MYO7A: variants seen among roughly 807,000 people sequenced by gnomAD.
MYO7A encodes myosin VIIA.
MYO7A carries 210 observed loss-of-function variants against 263.8 expected under a neutral mutation model. The ratio of observed to expected loss-of-function variants is 0.80; its 90% CI spans 0.71 to 0.89. The LOEUF (loss-of-function observed/expected upper bound fraction) is 0.89, where lower values mean the gene tolerates loss of function less well. Among genes scored for constraint, MYO7A ranks in the 40% least tolerant of loss-of-function variants. The pLI is 0.00. For missense variants in MYO7A, 2,820 were observed against 2,968.3 expected (o/e 0.95, Z 1.16); for synonymous variants, 1,239 against 1,197.3 (o/e 1.03, Z -0.72).
chr11:77,182,909 G>A (rs1343697200), intron 25 of MYO7A, 159 bp from the exon 26 acceptor site: 14 of 745,168 alleles, frequency 1.9e-5, no homozygotes, highest in African/African-American at 1.6e-4. Context: ...GCTAGTGGGG[G>A]TGCAAGGGTA....
intron 4 of MYO7A, 98 bp from the exon 5 acceptor site, chr11:77,155,809 C>A: frequency 7.6e-7 from 1 of 1,315,834 alleles, no homozygotes; most frequent in Non-Finnish European, 1.0e-6. Context: ...CAGGACTCTT[C>A]CCTCCAGGGT....
At position 77,182,421 on chromosome 11, in the gene MYO7A, C is replaced by G. The variant is rs782347739; in HGVS notation, c.3109-3C>G. 2.5e-6 allele frequency: 4 copies of G among 1,601,894 alleles called. No homozygotes were observed. Among genetic ancestry groups the G allele is most frequent in the Non-Finnish European group, 3.4e-6 (4 of 1,178,690 alleles). ...GGCCTCTGACATGCGCGCTCTGCCCCAGGCAGCCCTGGCGGTCTGGATCAC... is the reference window on the plus strand; with the variant it reads ...GGCCTCTGACATGCGCGCTCTGCCCGAGGCAGCCCTGGCGGTCTGGATCAC... On this transcript the variant is annotated splice_region_variant and splice_polypyrimidine_tract_variant and intron_variant, in intron 24 of 48. Transcript: ENST00000409709.
At chr11:77,186,922 A>G (rs1285044421) in intron 27 of MYO7A, among the ~76,000 whole-genome samples, 1 of 152,164 alleles carries the variant, frequency 6.6e-6, no homozygotes, top group East Asian at 1.9e-4. Context: ...AAAGTGAAAA[A>G]TGTGCGACGC....
intron 38 of MYO7A, among the ~76,000 whole-genome samples, chr11:77,203,593 G>A (rs1249982616): frequency 6.6e-6 from 1 of 152,188 alleles, no homozygotes; most frequent in African/African-American, 2.4e-5. Context: ...GGAGGAAGTG[G>A]TATCTAGGCT....
At chr11:77,164,695 A>C (rs1953370441) in intron 14 of MYO7A, among the ~76,000 whole-genome samples, 1 of 152,244 alleles carries the variant, frequency 6.6e-6, no homozygotes, top group Non-Finnish European at 1.5e-5. Context: ...AGTTCAACCA[A>C]TATGCTCTTA....
At chr11:77,130,680 C>T in intron 2 of MYO7A, 28 bp downstream of exon 2, 5 of 1,611,340 alleles carry the variant, frequency 3.1e-6, no homozygotes, top group Non-Finnish European at 4.2e-6. Context: ...TTTGGGTGGC[C>T]TGTCCTCCCC....
chr11:77,177,533 G>C lies in MYO7A; in HGVS notation c.2188-16G>C. ...GGAGACCTTGTGGGGCGCTGCTCAG[G>C]AGCTCTGCCTCCTAGGACCACCATG... On this transcript the variant is annotated splice_polypyrimidine_tract_variant and intron_variant, in intron 18 of 48. Coordinates refer to ENST00000409709, the MANE Select transcript of MYO7A (RefSeq NM_000260.4). The C allele has an allele frequency of 6.2e-7, 1 of 1,601,520 alleles. No individual in the cohort carries two copies. Among genetic ancestry groups the C allele is most frequent in the Non-Finnish European group, 8.5e-7 (1 of 1,173,966 alleles).
intron 48 of MYO7A, 42 bp from the exon 49 acceptor site, chr11:77,214,565 G>T: frequency 7.0e-7 from 1 of 1,434,146 alleles, no homozygotes. Flanking sequence ...GGCTGGCCCT[G>T]TCCCACCGTG....
intron 31 of MYO7A, among the ~76,000 whole-genome samples, chr11:77,193,324 G>A (rs1956366189): frequency 1.4e-5 from 2 of 144,352 alleles, no homozygotes; most frequent in African/African-American, 2.8e-5. Flanking sequence ...GGGTAGTGAT[G>A]ATAGTGGTGA....
At chr11:77,210,808 T>G (rs1591504219) in intron 44 of MYO7A, 3 of 190,460 alleles carry the variant, frequency 1.6e-5, no homozygotes, top group Non-Finnish European at 2.1e-5. Context: ...GCCCAGGAGG[T>G]GAGGGGTATG....
chr11:77,157,261 C>A lies in MYO7A; in HGVS notation c.736-18C>A, dbSNP rs569894225. 10 of 1,586,116 alleles carry A rather than the reference C, an allele frequency of 6.3e-6. No individual in the cohort carries two copies. The South Asian group carries it at 1.0e-4, about 16-fold the overall frequency. On this transcript the variant is annotated intron_variant, in intron 7 of 48. Transcript: ENST00000409709. ...GGCCCTCCTCCCCTGGCCCCCAGCA[C>A]TGTGCCCACATTTTCAGGCCCTGGA...
At chr11:77,129,690 G>A (rs930522634) in intron 1 of MYO7A, among the ~76,000 whole-genome samples, 1 of 152,184 alleles carries the variant, frequency 6.6e-6, no homozygotes, top group Non-Finnish European at 1.5e-5. Flanking sequence ...TGGGATAAAG[G>A]GGAATATAGA....
intron 47 of MYO7A, among the ~76,000 whole-genome samples, chr11:77,213,416 G>C (rs1957992668): frequency 6.6e-6 from 1 of 152,210 alleles, no homozygotes; most frequent in African/African-American, 2.4e-5. Context: ...GTGGTGAAGA[G>C]GGCTCGTGAC....
At chr11:77,161,883 A>C (rs1555069042) in intron 12 of MYO7A, among the ~76,000 whole-genome samples, 1 of 152,086 alleles carries the variant, frequency 6.6e-6, no homozygotes, top group African/African-American at 2.4e-5. Context: ...GAAAAGCCTT[A>C]GCTCTCCTTC....
intron 7 of MYO7A, 85 bp from the exon 8 acceptor site, chr11:77,157,194 T>C (rs1952557142): frequency 1.5e-6 from 2 of 1,373,564 alleles, no homozygotes; most frequent in African/African-American, 1.5e-5. Context: ...TTTGTTAAAA[T>C]AGTAAACCAT....
chr11:77,160,922 T>TC (rs1952931606), intron 11 of MYO7A, 51 bp from the exon 12 acceptor site: 2 of 1,569,756 alleles, frequency 1.3e-6, no homozygotes, highest in Admixed American at 1.9e-5. Flanking sequence ...GCCTGGCCTG[T>TC]CCCCCGGGGG....
chr11:77,212,767 G>A (rs1163460900), intron 46 of MYO7A, 185 bp from the exon 47 acceptor site: 9 of 614,336 alleles, frequency 1.5e-5, no homozygotes, highest in Non-Finnish European at 2.3e-5. Flanking sequence ...GACCCAGGAA[G>A]GGATGTGGGG....
At chr11:77,201,035 G>C (rs3781689) in intron 35 of MYO7A, among the ~76,000 whole-genome samples, 69,149 of 151,836 alleles carry the variant, frequency 0.46, 17,057 homozygotes, top group Admixed American at 0.57. Flanking sequence ...ATGCCGACTG[G>C]GGTCCAGGGA....
rs758621755 is a variant in MYO7A, at chr11:77,198,469, C to A, written c.4442-26C>A. 2.5e-6 allele frequency: 4 copies of A among 1,609,366 alleles called. No homozygotes were observed. The Admixed American group carries it at 6.7e-5, about 27-fold the overall frequency. On this transcript the variant is annotated intron_variant, in intron 33 of 48. Coordinates refer to ENST00000409709, the MANE Select transcript of MYO7A (RefSeq NM_000260.4). ...CTGGGCCTGGGTGTGGGAGGCCTGC[C>A]TCTCAGTGCCTTGGTCTCGTCCCAG...
Sources: allele counts gnomAD v4.1 joint callset (sites outside exome capture counted in the v4.1 genomes callset), GRCh38; gene constraint gnomAD v4.1.1; transcripts MANE v1.5; gene names NCBI Gene and HGNC (gene_info 2026-07-23, HGNC 2026-07-21).